The following DNMBP variants were observed in gnomAD, a reference collection of about 807,000 sequenced individuals.
The protein encoded by DNMBP is dynamin binding protein.
A neutral mutation model predicts 150.0 loss-of-function variants in DNMBP; 87 were observed. The observed-to-expected ratio is 0.58, with a 90% confidence interval of 0.49 to 0.69. DNMBP has a LOEUF of 0.69. DNMBP is among the 30% of genes least tolerant of loss of function. The probability of loss-of-function intolerance (pLI) is 0.00; values close to 1 mark genes in which losing one functional copy is unlikely to be tolerated. For missense variants in DNMBP, 1,774 were observed against 1,949.0 expected, an observed-to-expected ratio of 0.91 and a Z score of 1.69; for synonymous variants, 711 against 750.4, an observed-to-expected ratio of 0.95 and a Z score of 0.86.
At position 99,877,318 on chromosome 10, in the gene DNMBP, T is replaced by A. The variant is rs1003148326; in HGVS notation, c.4567A>T (p.Thr1523Ser). 5 of 1,612,798 alleles carry A rather than the reference T, an allele frequency of 3.1e-6. No individual in the cohort carries two copies. The highest frequency in any genetic ancestry group is 4.5e-5 in the East Asian group (2 of 44,828). ...EGNQVYFAVY[T>S]FKARNPNELS... ...TCATTTGGGTTTCGTGCCTTGAAGG[T>A]GTAGACAGCAAAATAGACCTGTGTG... The change falls in exon 17 of 17, where the codon ACC becomes TCC. Residue 1523 changes from threonine to serine, a missense_variant. Coordinates refer to ENST00000324109, the MANE Select transcript of DNMBP (RefSeq NM_015221.4).
chr10:99,880,010 G>A lies in DNMBP; in HGVS notation c.4349C>T (p.Ala1450Val). 3 of 1,614,214 alleles carry A rather than the reference G, an allele frequency of 1.9e-6. No individual in the cohort carries two copies. Among genetic ancestry groups the A allele is most frequent in the Non-Finnish European group, 2.5e-6 (3 of 1,180,046 alleles). ...STSQPRSGDSADVARDVKQPT... is the reference protein window; with the variant it reads ...STSQPRSGDSVDVARDVKQPT... ...TTGCTTTACATCTCTAGCTACATCT[G>A]CAGAGTCCCCTGACCTTGGCTGGGA... The change falls in exon 16 of 17, where the codon GCA (alanine) becomes GTA (valine). Residue 1450 changes from alanine to valine, a missense_variant. By Grantham distance (64) the Ala-to-Val change is moderately conservative. This residue lies in a region of DNMBP where 1,430 missense variants were observed against 1,492.5 expected (regional missense o/e 0.96). Transcript: ENST00000324109.
At chr10:99,987,374 A>G (rs2040839819) in intron 1 of DNMBP, among the ~76,000 whole-genome samples, 1 of 152,140 alleles carries the variant, frequency 6.6e-6, no homozygotes, top group African/African-American at 2.4e-5. Flanking sequence ...ATATATCCAC[A>G]TGAAAACCCA....
intron 15 of DNMBP, among the ~76,000 whole-genome samples, chr10:99,882,360 G>A (rs900488674): frequency 6.6e-6 from 1 of 152,204 alleles, no homozygotes; most frequent in Non-Finnish European, 1.5e-5. Context: ...CAAGGATTCT[G>A]AATGATATCT....
intron 4 of DNMBP, chr10:99,914,205 G>T: frequency 1.0e-6 from 1 of 992,512 alleles, no homozygotes; most frequent in Non-Finnish European, 1.3e-6. Flanking sequence ...AGCGGGCCCA[G>T]CAGTACCTGG....
chr10:99,937,806 C>T (rs2040250437), intron 4 of DNMBP, among the ~76,000 whole-genome samples: 1 of 152,306 alleles, frequency 6.6e-6, no homozygotes, highest in Non-Finnish European at 1.5e-5. Context: ...ATCACCTAAA[C>T]CCAACAAAGA....
At chr10:100,000,249 G>A (rs1050448952) in intron 1 of DNMBP, among the ~76,000 whole-genome samples, 11 of 152,166 alleles carry the variant, frequency 7.2e-5, no homozygotes, top group East Asian at 1.9e-4. Context: ...TAGAAAGCAG[G>A]AGGACCTGGG....
intron 4 of DNMBP, among the ~76,000 whole-genome samples, chr10:99,911,490 A>C (rs1475542847): frequency 6.6e-6 from 1 of 152,232 alleles, no homozygotes; most frequent in East Asian, 1.9e-4. Context: ...TCTCAAAAAA[A>C]AATCCATGTT....
rs574691477 is a variant in DNMBP at position 99,888,016 on chromosome 10, G to C, written c.3285+809C>G. Reference sequence around the variant, plus strand: ...ATTTTGTATTTTTAGTAGAGACAGGGTTTCTCCATGTTGGTCAGGCTGGTC... The same window carrying C: ...ATTTTGTATTTTTAGTAGAGACAGGCTTTCTCCATGTTGGTCAGGCTGGTC... On this transcript the variant is annotated intron_variant, in intron 12 of 16. Transcript: ENST00000324109. Among the ~76,000 whole-genome samples the C allele has an allele frequency of 4.3e-4, 65 of 152,178 alleles. 2 individuals are homozygous for C. Among genetic ancestry groups the C allele is most frequent in the African/African-American group, 1.6e-3 (65 of 41,504 alleles).
rs577449165 is a variant in DNMBP, at chr10:100,000,114, T to C, written c.-11+9724A>G. Among the ~76,000 whole-genome samples the C allele has an allele frequency of 4.3e-4, 65 of 152,324 alleles. 2 individuals are homozygous for C. The highest frequency in any genetic ancestry group is 1.6e-3 in the African/African-American group (65 of 41,568). On this transcript the variant is annotated intron_variant, in intron 1 of 16. Coordinates refer to ENST00000324109, the MANE Select transcript of DNMBP (RefSeq NM_015221.4). ...AAACAGTGACCAGGTATGCAAGGCA[T>C]AACTGTTCATCGTAACAATTCTGAA... is the stretch of plus-strand genomic sequence containing the variant.
At position 99,886,582 on chromosome 10, in the gene DNMBP, G is replaced by T. The variant is rs766637924; in HGVS notation, c.3336C>A (p.Ser1112Arg). ...CCAGCTTATGGGGCCCTGTAAACAT[G>T]CTCAGTAACTGATTTAAGGGGGAGA... is the stretch of plus-strand genomic sequence containing the variant. ...LVISPLNQLL[S>R]MFTGPHKLVQ... is the part of the protein sequence containing the mutation. Residue 1112 changes from serine to arginine, a missense_variant, in exon 13 of 17, where the codon AGC becomes AGA. Physicochemically the swap from Ser to Arg is moderately radical, Grantham distance 110 (BLOSUM62 -1). Coordinates refer to ENST00000324109, the MANE Select transcript of DNMBP (RefSeq NM_015221.4). 2 of 1,614,014 alleles carry T rather than the reference G, an allele frequency of 1.2e-6. No homozygotes were observed. The highest frequency in any genetic ancestry group is 2.7e-5 in the African/African-American group (2 of 74,896).
intron 4 of DNMBP, among the ~76,000 whole-genome samples, chr10:99,950,396 G>A (rs1401467056): frequency 6.6e-6 from 1 of 152,222 alleles, no homozygotes; most frequent in Admixed American, 6.5e-5. Flanking sequence ...CTGCTTAAAA[G>A]ATACCCGGAA....
intron 1 of DNMBP, among the ~76,000 whole-genome samples, chr10:99,993,340 T>A (rs1312628951): frequency 1.3e-5 from 2 of 152,186 alleles, no homozygotes; most frequent in Non-Finnish European, 2.9e-5. Context: ...TTGGGGGTAA[T>A]GAAAATGCTC....
chr10:99,974,697 A>G (rs1448929432), intron 1 of DNMBP, among the ~76,000 whole-genome samples: 1 of 152,110 alleles, frequency 6.6e-6, no homozygotes, highest in Non-Finnish European at 1.5e-5. Context: ...TCTACCTTCC[A>G]TCTCACATAC....
At position 99,877,147 on chromosome 10, in the gene DNMBP, G is replaced by T; in HGVS notation, c.*4C>A. Reference sequence around the variant, plus strand: ...AGCAAGGCTGGGTGGCAGGCAACGTGGGCTCAGGTGTACTCGGTTTTGCGG... The same window carrying T: ...AGCAAGGCTGGGTGGCAGGCAACGTTGGCTCAGGTGTACTCGGTTTTGCGG... On this transcript the variant is annotated 3_prime_UTR_variant, in exon 17 of 17. Transcript: ENST00000324109. The T allele has an allele frequency of 6.2e-7, 1 of 1,602,908 alleles. No individual in the cohort carries two copies. Among genetic ancestry groups the T allele is most frequent in the African/African-American group, 1.3e-5 (1 of 74,534 alleles).
At chr10:99,995,059 T>TA (rs2040936790) in intron 1 of DNMBP, among the ~76,000 whole-genome samples, 1 of 135,064 alleles carries the variant, frequency 7.4e-6, no homozygotes, top group Admixed American at 7.5e-5. Context: ...GAAAACAATT[T>TA]TTTTTTTTTT....
In DNMBP at chr10:99,955,416, G is replaced by A. The variant is rs758982384; in HGVS notation, c.2058C>T (p.Asp686=). The change falls in exon 4 of 17, where the codon GAC becomes GAT. Residue 686 remains aspartate, a synonymous_variant. Transcript: ENST00000324109. ...EGPGHMGRSL[D]QTSPCPLVLV... Reference sequence around the variant, plus strand: ...GCACTAAGGGGCATGGGGAGGTCTGGTCCAGACTCCTTCCCATATGACCAG... The same window carrying A: ...GCACTAAGGGGCATGGGGAGGTCTGATCCAGACTCCTTCCCATATGACCAG... 2 of 1,614,022 alleles carry A rather than the reference G, an allele frequency of 1.2e-6. No homozygotes were observed. The highest frequency in any genetic ancestry group is 1.7e-6 in the Non-Finnish European group (2 of 1,179,952).
Position 99,956,682 on chromosome 10 carries a change from G to A in DNMBP, c.792C>T (p.Phe264=), listed in dbSNP as rs139271365. Reference sequence around the variant, plus strand: ...GAATTCGGATTTTATCCCCGACCTCGAAATCCAGCTCATTTGGCTCCAGGG... The same window carrying A: ...GAATTCGGATTTTATCCCCGACCTCAAAATCCAGCTCATTTGGCTCCAGGG... The part of the protein sequence containing the change: ...FQALEPNELD[F]EVGDKIRILA... Residue 264 remains phenylalanine (F), a synonymous_variant, in exon 4 of 17, where the codon TTC becomes TTT. Coordinates refer to ENST00000324109, the MANE Select transcript of DNMBP (RefSeq NM_015221.4). The A allele has an allele frequency of 5.2e-5, 84 of 1,613,466 alleles. No individual in the cohort carries two copies. The highest frequency in any genetic ancestry group is 1.3e-4 in the African/African-American group (10 of 74,900).
At chr10:99,882,988 A>G (rs1057297191) in intron 15 of DNMBP, among the ~76,000 whole-genome samples, 70 of 152,328 alleles carry the variant, frequency 4.6e-4, no homozygotes, top group African/African-American at 1.6e-3. Flanking sequence ...CAGAGGTTGC[A>G]GTGAGCTGAG....
At chr10:100,007,346 C>A (rs1316239071) in intron 1 of DNMBP, among the ~76,000 whole-genome samples, 1 of 152,140 alleles carries the variant, frequency 6.6e-6, no homozygotes, top group Non-Finnish European at 1.5e-5. Context: ...CAAACTGGTT[C>A]CCCCTCCCAG....
Sources: gnomAD v4.1 joint callset for allele counts (sites outside exome capture counted in the v4.1 genomes callset) on GRCh38, gnomAD v4.1.1 for gene constraint, gnomAD v4.1.1 regional missense constraint, MANE v1.5 for transcripts, NCBI Gene and HGNC (gene_info 2026-07-23, HGNC 2026-07-21) for gene names.